The following GRM8 variants were observed in gnomAD, a reference collection of about 807,000 sequenced individuals.
GRM8 encodes the protein metabotropic glutamate receptor 8.
Under a neutral mutation model 87.2 loss-of-function variants are expected in GRM8, and 47 were observed. The observed-to-expected ratio is 0.54, with a 90% confidence interval of 0.43 to 0.69. GRM8 has a LOEUF of 0.69. Among genes scored for constraint, GRM8 ranks in the 30% least tolerant of loss-of-function variants. The pLI is 0.00. For missense variants in GRM8, 1,019 were observed against 1,139.2 expected, an observed-to-expected ratio of 0.89 and a Z score of 1.52; for synonymous variants, 396 against 404.5, an observed-to-expected ratio of 0.98 and a Z score of 0.25.
chr7:127,073,296 C>T (rs1006728), intron 3 of GRM8, among the ~76,000 whole-genome samples: 43,090 of 152,034 alleles, frequency 0.28, 6,957 homozygotes, highest in African/African-American at 0.45. Flanking sequence ...AACAGAAGAG[C>T]GGAGTAATGG....
intron 3 of GRM8, among the ~76,000 whole-genome samples, chr7:126,905,393 T>C (rs1163085566): frequency 6.6e-6 from 1 of 152,168 alleles, no homozygotes; most frequent in Non-Finnish European, 1.5e-5. Context: ...ATAGAAAAGA[T>C]CTCTGCCTCT....
rs961433019 is a variant in GRM8 at position 126,510,299 on chromosome 7, A to C, written c.2430+22653T>G. On this transcript the variant is annotated intron_variant, in intron 9 of 10. Coordinates refer to ENST00000339582, the MANE Select transcript of GRM8 (RefSeq NM_000845.3). ...AAAGACACATAGGTTTTAGCAAAAA[A>C]AAAAAAAAAATGAACTCAATATGAT... Among the ~76,000 whole-genome samples the C allele has an allele frequency of 3.7e-4, 56 of 151,986 alleles. 1 individual carries two copies. The highest frequency in any genetic ancestry group is 6.2e-4 in the South Asian group (3 of 4,826).
intron 2 of GRM8, among the ~76,000 whole-genome samples, chr7:127,133,722 A>AT (rs1827812058): frequency 6.9e-6 from 1 of 143,932 alleles, no homozygotes; most frequent in South Asian, 2.1e-4. Flanking sequence ...AAAAAAAAAA[A>AT]AAAAAAATTA....
chr7:126,515,345 A>G (rs967550613), intron 9 of GRM8, among the ~76,000 whole-genome samples: 11 of 152,126 alleles, frequency 7.2e-5, no homozygotes, highest in Admixed American at 2.6e-4. Context: ...TAAAATCATC[A>G]TTATTATTAT....
chr7:126,924,450 G>A (rs1439537105), intron 3 of GRM8, among the ~76,000 whole-genome samples: 3 of 152,182 alleles, frequency 2.0e-5, no homozygotes, highest in Admixed American at 2.0e-4. Context: ...TCTCATGGAT[G>A]TCCCAGATAC....
intron 7 of GRM8, among the ~76,000 whole-genome samples, chr7:126,690,962 TGG>T (rs1198730022): frequency 6.6e-6 from 1 of 152,112 alleles, no homozygotes; most frequent in Non-Finnish European, 1.5e-5. Context: ...TGGGCAGCCA[TGG>T]GTGGGCCCAG....
chr7:127,097,331 G>A (rs1029620308), intron 3 of GRM8, among the ~76,000 whole-genome samples: 6 of 152,124 alleles, frequency 3.9e-5, no homozygotes, highest in Non-Finnish European at 8.8e-5. Flanking sequence ...AATAACCAAG[G>A]ATGACAAAAA....
chr7:127,140,143 T>A (rs1828180814), intron 2 of GRM8, among the ~76,000 whole-genome samples: 1 of 152,188 alleles, frequency 6.6e-6, no homozygotes, highest in African/African-American at 2.4e-5. Context: ...ATCAAGACTA[T>A]GGAGTGGTAA....
At chr7:126,613,341 T>C (rs1415661639) in intron 7 of GRM8, among the ~76,000 whole-genome samples, 1 of 152,184 alleles carries the variant, frequency 6.6e-6, no homozygotes, top group Non-Finnish European at 1.5e-5. Flanking sequence ...AATATAGTCA[T>C]TAATTTATCA....
At chr7:126,608,258 TC>T (rs1378863502) in intron 8 of GRM8, among the ~76,000 whole-genome samples, 1 of 151,832 alleles carries the variant, frequency 6.6e-6, no homozygotes, top group East Asian at 1.9e-4. Context: ...CTAGCAGCTC[TC>T]CCCAAATCCC....
chr7:126,572,560 T>C (rs188699216), intron 8 of GRM8, among the ~76,000 whole-genome samples: 2 of 152,314 alleles, frequency 1.3e-5, no homozygotes, highest in East Asian at 3.9e-4. Flanking sequence ...AAAGTTCTGA[T>C]GGAAAATTTT....
chr7:126,850,571 GGA>G (rs1053875800), intron 6 of GRM8, among the ~76,000 whole-genome samples: 3 of 152,144 alleles, frequency 2.0e-5, no homozygotes, highest in African/African-American at 7.2e-5. Context: ...GGATGATTTT[GGA>G]GAGAGTCCAA....
chr7:127,026,840 T>G (rs1433694830), intron 3 of GRM8, among the ~76,000 whole-genome samples: 1 of 152,182 alleles, frequency 6.6e-6, no homozygotes, highest in Non-Finnish European at 1.5e-5. Flanking sequence ...GCTCTTTAAT[T>G]AGATCCCATT....
In GRM8 at chr7:126,879,116, C is replaced by A. The variant is rs192877245; in HGVS notation, c.1156+23426G>T. On this transcript the variant is annotated intron_variant, in intron 6 of 10. Transcript: ENST00000339582. The stretch of plus-strand genomic sequence containing the variant: ...AGGTGGAGGTTGCAGTGAGCCAAGA[C>A]GGCGCCATTGCACTCCAGCCTGGGC... Among the ~76,000 whole-genome samples, 17 of 138,558 alleles carry A rather than the reference C, an allele frequency of 1.2e-4. No individual in the cohort carries two copies. In the South Asian group the frequency reaches 4.4e-3, roughly 36 times the overall value. The allele number at this position is 138,558 out of a possible 152,430, so 90.9% of individuals were successfully genotyped here.
intron 7 of GRM8, among the ~76,000 whole-genome samples, chr7:126,691,337 G>A (rs181382779): frequency 7.7e-4 from 117 of 152,326 alleles, no homozygotes; most frequent in Non-Finnish European, 1.0e-3. Context: ...AGCAGGCACC[G>A]GGAGTGGGGA....
rs1810712570 is a variant in GRM8, at chr7:126,507,810, CCCCTAACACCTCATCTTCAA to C, written c.2430+25122_2430+25141del. On this transcript the variant is annotated intron_variant, in intron 9 of 10. Coordinates refer to ENST00000339582, the MANE Select transcript of GRM8 (RefSeq NM_000845.3). ...TTTAGAGCAACTTGGCCCTAAATACCCCCTAACACCTCATCTTCAACCCTAATTCCCTGTATGGCCCTCCC... is the reference window on the plus strand; with the variant it reads ...TTTAGAGCAACTTGGCCCTAAATACCCCCTAATTCCCTGTATGGCCCTCCC... Among the ~76,000 whole-genome samples the C allele has an allele frequency of 2.0e-5, 3 of 151,848 alleles. No individual in the cohort carries two copies. In the South Asian group the frequency reaches 6.2e-4, roughly 32 times the overall value.
At chr7:126,893,062 A>G (rs901526885) in intron 6 of GRM8, among the ~76,000 whole-genome samples, 1 of 152,078 alleles carries the variant, frequency 6.6e-6, no homozygotes, top group Non-Finnish European at 1.5e-5. Flanking sequence ...GACATTTTCC[A>G]TTATGTACTC....
At chr7:126,697,066 A>C (rs1416062786) in intron 7 of GRM8, among the ~76,000 whole-genome samples, 1 of 152,064 alleles carries the variant, frequency 6.6e-6, no homozygotes, top group East Asian at 1.9e-4. Context: ...AAATTCTGCA[A>C]TTTGTGACAA....
chr7:126,772,698 C>A (rs752335712), intron 6 of GRM8, among the ~76,000 whole-genome samples: 1 of 151,980 alleles, frequency 6.6e-6, no homozygotes, highest in Non-Finnish European at 1.5e-5. Context: ...CGAAGAAAAT[C>A]TAATCAAATT....
Sources: allele counts gnomAD v4.1 joint callset (sites outside exome capture counted in the v4.1 genomes callset), GRCh38; gene constraint gnomAD v4.1.1; transcripts MANE v1.5; gene names NCBI Gene and HGNC (gene_info 2026-07-23, HGNC 2026-07-21).